Variants in TUB observed in about 807,000 individuals in gnomAD.
TUB encodes TUB bipartite transcription factor, also known as tubby protein homolog.
Under a neutral mutation model 59.7 loss-of-function variants are expected in TUB, and 33 were observed. That is an observed-to-expected ratio of 0.55 (90% CI 0.42 to 0.74). The LOEUF is 0.74. Among genes scored for constraint, TUB ranks in the 30% least tolerant of loss-of-function variants. The pLI is 0.00. For synonymous variants in TUB, 293 were observed against 256.4 expected (o/e 1.14, Z -1.36); for missense variants, 659 against 672.0 (o/e 0.98, Z 0.21).
In TUB at chr11:8,104,305, CA is replaced by C. The variant is rs1354909602; in HGVS notation, c.*2690del. Reference sequence around the variant, plus strand: ...TGTAACCGCTTCTGGGGCCACACCCCAAAACTCTACACCCTCTGCCCCAGAA... The same window carrying C: ...TGTAACCGCTTCTGGGGCCACACCCCAAACTCTACACCCTCTGCCCCAGAA... On this transcript the variant is annotated 3_prime_UTR_variant, in exon 12 of 12. Transcript: ENST00000299506. 2.6e-5 allele frequency: 4 copies of C among 152,178 alleles called. No individual in the cohort carries two copies. The highest frequency in any genetic ancestry group is 5.9e-5 in the Non-Finnish European group (4 of 68,038). 9.4% of individuals were successfully genotyped at this position (152,178 alleles called of 1,614,324 possible).
chr11:8,079,590 T>C (rs765376050), upstream of TUB, among the ~76,000 whole-genome samples: 1 of 152,176 alleles, frequency 6.6e-6, no homozygotes, highest in Non-Finnish European at 1.5e-5. Context: ...ATCAATGTTG[T>C]GCCCGACAGA....
At chr11:8,089,974 G>A (rs1432582389) in intron 2 of TUB, 95 bp from the exon 3 acceptor site, 37 of 1,443,810 alleles carry the variant, frequency 2.6e-5, no homozygotes, top group Non-Finnish European at 7.3e-6. Flanking sequence ...AGGACATGGG[G>A]CCTTGGCCCA....
chr11:8,066,885 G>C (rs1484801986), intron 2 of TUB, among the ~76,000 whole-genome samples: 1 of 152,092 alleles, frequency 6.6e-6, no homozygotes, highest in Non-Finnish European at 1.5e-5. Flanking sequence ...GACAACCCTG[G>C]ATCTTTCTGG....
At chr11:8,078,174 G>T (rs1034965231), upstream of TUB, among the ~76,000 whole-genome samples, 1 of 152,130 alleles carries the variant, frequency 6.6e-6, no homozygotes, top group Admixed American at 6.5e-5. Context: ...GGTGGCAGAT[G>T]TGAGGGTCTC....
chr11:8,101,858 C>CT lies in TUB; in HGVS notation c.*239_*240insT. ...GGGATGAGAATAATTCTTTCCATGC[C>CT]ACGAGATCAACACACACTCCCACCC... On this transcript the variant is annotated 3_prime_UTR_variant, in exon 12 of 12. Coordinates refer to ENST00000299506, the MANE Select transcript of TUB (RefSeq NM_177972.3). 4.2e-6 allele frequency: 2 copies of CT among 479,314 alleles called. No homozygotes were observed. Among genetic ancestry groups the CT allele is most frequent in the South Asian group, 3.7e-5 (1 of 27,014 alleles). 29.7% of individuals were successfully genotyped at this position (479,314 alleles called of 1,614,324 possible).
intron 11 of TUB, among the ~76,000 whole-genome samples, chr11:8,101,226 G>A (rs141617154): frequency 7.5e-4 from 114 of 152,274 alleles, no homozygotes; most frequent in Admixed American, 2.2e-3. Context: ...TCTCAGGCAC[G>A]GGAACACCCT....
chr11:8,040,433 A>G lies in TUB; in HGVS notation c.203+741A>G, dbSNP rs184804773. 5.8e-3 allele frequency among the ~76,000 whole-genome samples: 890 copies of G among 152,208 alleles called. 7 individuals carry two copies. Among genetic ancestry groups the G allele is most frequent in the African/African-American group, 0.02 (835 of 41,520 alleles). On this transcript the variant is annotated intron_variant, in intron 2 of 12. Coordinates refer to the TUB transcript ENST00000305253. ...CCTTCCAAGGGACCAGGCCAGAGAA[A>G]TGGGGGGCACCTGGGGCTCTGCTTT...
rs1346830818 is a variant in TUB, at chr11:8,100,857, A to G, written c.1247A>G (p.Asn416Ser). 3.1e-6 allele frequency: 5 copies of G among 1,614,104 alleles called. No individual in the cohort carries two copies. The highest frequency in any genetic ancestry group is 4.2e-6 in the Non-Finnish European group (5 of 1,180,050). ...GAGACACTGCTAGCACGCTGGCAGA[A>G]TAAGAACACGGAGAGTATCATCGAG... Reference protein sequence around the residue: ...EHETLLARWQNKNTESIIELQ... With the variant: ...EHETLLARWQSKNTESIIELQ... Residue 416 changes from asparagine to serine, a missense_variant, in exon 11 of 12, where the codon AAT becomes AGT. By Grantham distance (46) the Asn-to-Ser change is conservative. Around this residue, in one of 3 missense-constraint regions of TUB, gnomAD observed 226 missense variants for 210.8 expected, o/e 1.07. Transcript: ENST00000299506.
chr11:8,077,254 C>T (rs746775989), upstream of TUB: 4 of 152,226 alleles, frequency 2.6e-5, no homozygotes, highest in Non-Finnish European at 5.9e-5. Context: ...CCACTGGGAA[C>T]CACATCCTTA....
At chr11:8,088,153 C>T (rs1389625815) in intron 1 of TUB, among the ~76,000 whole-genome samples, 1 of 152,164 alleles carries the variant, frequency 6.6e-6, no homozygotes, top group Non-Finnish European at 1.5e-5. Context: ...CAGAGCAGCT[C>T]GTGGGTACAA....
chr11:8,073,322 G>C (rs1277924701), intron 2 of TUB, among the ~76,000 whole-genome samples: 1 of 152,170 alleles, frequency 6.6e-6, no homozygotes, highest in Non-Finnish European at 1.5e-5. Context: ...TTTTCAAAGA[G>C]TTTAAATTGC....
chr11:8,027,476 C>A (rs10839966), intron 1 of TUB, among the ~76,000 whole-genome samples: 47,737 of 152,072 alleles, frequency 0.31, 7,940 homozygotes, highest in East Asian at 0.52. Flanking sequence ...GCATAAACCA[C>A]ATTTTGTTTA....
intron 2 of TUB, among the ~76,000 whole-genome samples, chr11:8,049,935 C>A (rs1340253142): frequency 2.6e-5 from 4 of 152,090 alleles, no homozygotes; most frequent in Admixed American, 2.6e-4. Context: ...TAACACTACC[C>A]AGACCAAGAA....
intron 2 of TUB, chr11:8,039,755 G>A: frequency 7.2e-7 from 1 of 1,390,012 alleles, no homozygotes; most frequent in Non-Finnish European, 9.5e-7. Context: ...GAGACTGTGA[G>A]GGAGGTGGGC....
intron 1 of TUB, among the ~76,000 whole-genome samples, chr11:8,031,919 GC>G (rs1269767189): frequency 1.3e-5 from 2 of 152,188 alleles, no homozygotes; most frequent in African/African-American, 4.8e-5. Context: ...TTCGCCTTCC[GC>G]GGGGTGTCAT....
chr11:8,032,125 C>T (rs1051721830), intron 1 of TUB, among the ~76,000 whole-genome samples: 2 of 151,602 alleles, frequency 1.3e-5, no homozygotes, highest in Admixed American at 6.6e-5. Flanking sequence ...AGGCCGGGAG[C>T]GCCTGGGGAA....
chr11:8,080,351 T>TGTG (rs954378952), upstream of TUB, among the ~76,000 whole-genome samples: 1 of 152,230 alleles, frequency 6.6e-6, no homozygotes, highest in African/African-American at 2.4e-5. Context: ...CCCGCCCTGC[T>TGTG]GTGGGTCCCG....
At position 8,095,514 on chromosome 11, in the gene TUB, A is replaced by G. The variant is rs772908682; in HGVS notation, c.414A>G (p.Ala138=). The change falls in exon 5 of 12, where the codon GCA becomes GCG. Residue 138 remains alanine (A), a synonymous_variant. Coordinates refer to ENST00000299506, the MANE Select transcript of TUB (RefSeq NM_177972.3). ...KGKHKGTSGP[A]ALAEDKSEAQ... ...GGCCTGCAGGCACCAGCGGGCCAGC[A>G]GCACTGGCAGAAGACAAGTCTGAGG... 6.2e-7 allele frequency: 1 copy of G among 1,610,606 alleles called. No individual in the cohort carries two copies. Among genetic ancestry groups the G allele is most frequent in the African/African-American group, 1.3e-5 (1 of 74,900 alleles).
chr11:8,081,933 C>T (rs1943575270), intron 1 of TUB, among the ~76,000 whole-genome samples: 1 of 152,234 alleles, frequency 6.6e-6, no homozygotes, highest in African/African-American at 2.4e-5. Context: ...ACAGGACGTC[C>T]CTGCCTTGGG....
Sources: allele counts gnomAD v4.1 joint callset (sites outside exome capture counted in the v4.1 genomes callset), GRCh38; gene constraint gnomAD v4.1.1; regional missense constraint gnomAD v4.1.1; transcripts MANE v1.5; gene names NCBI Gene and HGNC (gene_info 2026-07-23, HGNC 2026-07-21).